Variants in MGAT4C observed in about 807,000 individuals in gnomAD.
The protein encoded by MGAT4C is MGAT4 family member C, also known as alpha-1,3-mannosyl-glycoprotein 4-beta-N-acetylglucosaminyltransferase C.
In MGAT4C, 19 loss-of-function variants were observed where a neutral mutation model predicts 40.1. The ratio of observed to expected loss-of-function variants is 0.47; its 90% CI spans 0.33 to 0.70. The LOEUF is 0.70. Among genes scored for constraint, MGAT4C ranks in the 30% least tolerant of loss-of-function variants. MGAT4C has a pLI of 0.02. For synonymous variants in MGAT4C, 181 were observed against 187.1 expected (o/e 0.97, Z 0.27); for missense variants, 491 against 563.2 (o/e 0.87, Z 1.30).
rs1883940284 is a variant in MGAT4C, at chr12:85,975,846, T to C, written c.*3443A>G. On this transcript the variant is annotated 3_prime_UTR_variant, in exon 5 of 5. Transcript: ENST00000611864. ...AAGTGTGAGCTCTATTACTCAGTAA[T>C]ATGATGCCATTACTGTGTTGATGGA... The C allele has an allele frequency of 6.6e-6, 1 of 151,016 alleles. No homozygotes were observed. The highest frequency in any genetic ancestry group is 6.6e-5 in the Admixed American group (1 of 15,120). The allele number at this position is 151,016 out of a possible 1,614,324, so 9.4% of individuals were successfully genotyped here.
At chr12:86,796,974 TC>T (rs1048710834) in intron 1 of MGAT4C, among the ~76,000 whole-genome samples, 6 of 151,954 alleles carry the variant, frequency 3.9e-5, no homozygotes, top group African/African-American at 1.4e-4. Flanking sequence ...GAAAAGGTTC[TC>T]TGCCTCCAGG....
At position 86,575,875 on chromosome 12, in the gene MGAT4C, G is replaced by C. The variant is rs928102937; in HGVS notation, c.-228-140610C>G. On this transcript the variant is annotated intron_variant, in intron 2 of 7. Coordinates refer to the MGAT4C transcript ENST00000548651. ...CAATCCTTGTCATTTGTTATTGACT[G>C]TTCAATTTTTATTTAATTGAGGAAC... Among the ~76,000 whole-genome samples the C allele has an allele frequency of 5.9e-5, 9 of 151,780 alleles. No homozygotes were observed. In the East Asian group the frequency reaches 1.7e-3, roughly 29 times the overall value.
At chr12:86,223,831 T>C (rs954314376) in intron 1 of MGAT4C, among the ~76,000 whole-genome samples, 1 of 152,174 alleles carries the variant, frequency 6.6e-6, no homozygotes, top group Non-Finnish European at 1.5e-5. Context: ...CTTGCACTGA[T>C]CTGCACACAA....
At chr12:86,404,928 T>G (rs1012197742) in intron 3 of MGAT4C, among the ~76,000 whole-genome samples, 1 of 152,108 alleles carries the variant, frequency 6.6e-6, no homozygotes, top group African/African-American at 2.4e-5. Flanking sequence ...ATAATTTATT[T>G]TATGTGATTT....
chr12:86,793,855 AT>A (rs1952068183), intron 1 of MGAT4C, among the ~76,000 whole-genome samples: 1 of 152,038 alleles, frequency 6.6e-6, no homozygotes, highest in South Asian at 2.1e-4. Flanking sequence ...ATTAAGCTGA[AT>A]TGAAAAACTG....
intron 3 of MGAT4C, among the ~76,000 whole-genome samples, chr12:86,361,516 CA>C (rs1243053848): frequency 4.6e-5 from 7 of 152,272 alleles, no homozygotes; most frequent in African/African-American, 1.7e-4. Flanking sequence ...AGCTTCTGCA[CA>C]GCAAAAGAAA....
intron 2 of MGAT4C, among the ~76,000 whole-genome samples, chr12:86,709,143 C>G (rs1593138635): frequency 6.6e-6 from 1 of 152,222 alleles, no homozygotes; most frequent in South Asian, 2.1e-4. Context: ...ACAGGTCTTT[C>G]CCATTCTGTT....
At chr12:86,629,422 C>A (rs145270502) in intron 2 of MGAT4C, among the ~76,000 whole-genome samples, 378 of 152,272 alleles carry the variant, frequency 2.5e-3, no homozygotes, top group Non-Finnish European at 4.0e-3. Flanking sequence ...ATCTACAGAA[C>A]TGTCCACCCC....
At chr12:86,706,261 G>A (rs1950455753) in intron 2 of MGAT4C, among the ~76,000 whole-genome samples, 1 of 151,988 alleles carries the variant, frequency 6.6e-6, no homozygotes, top group Non-Finnish European at 1.5e-5. Flanking sequence ...TGCAAGACAG[G>A]GAATTTGAGG....
intron 3 of MGAT4C, among the ~76,000 whole-genome samples, chr12:86,410,066 G>C (rs1218807070): frequency 1.3e-5 from 2 of 152,076 alleles, no homozygotes; most frequent in Non-Finnish European, 2.9e-5. Context: ...GGGCAATAAA[G>C]ATCACAAGGC....
At chr12:86,582,952 T>C (rs1960854568) in intron 2 of MGAT4C, among the ~76,000 whole-genome samples, 3 of 151,128 alleles carry the variant, frequency 2.0e-5, no homozygotes, top group African/African-American at 7.3e-5. Context: ...AAATAAAACA[T>C]CACTACTTTA....
At chr12:86,584,971 G>GA (rs1960949191) in intron 2 of MGAT4C, among the ~76,000 whole-genome samples, 1 of 151,308 alleles carries the variant, frequency 6.6e-6, no homozygotes, top group African/African-American at 2.4e-5. Context: ...ATAGCAGGTT[G>GA]AGCCATGTGT....
intron 3 of MGAT4C, among the ~76,000 whole-genome samples, chr12:86,432,699 AAG>A (rs990959399): frequency 3.3e-5 from 5 of 152,122 alleles, no homozygotes; most frequent in African/African-American, 1.2e-4. Flanking sequence ...CTATAAGAAA[AAG>A]AGAATGAATA....
chr12:86,203,045 T>TGC (rs1566138831), intron 1 of MGAT4C, among the ~76,000 whole-genome samples: 1 of 151,644 alleles, frequency 6.6e-6, no homozygotes, highest in East Asian at 1.9e-4. Context: ...TGTGTGTGTG[T>TGC]GTGTGTGTGT....
At position 85,979,602 on chromosome 12, in the gene MGAT4C, G is replaced by T; in HGVS notation, c.1124C>A (p.Thr375Lys). Residue 375 changes from threonine (T) to lysine (K), a missense_variant, in exon 5 of 5, where the codon ACA (threonine) becomes AAA (lysine). By Grantham distance (78) the Thr-to-Lys change is moderately conservative. Transcript: ENST00000611864. Reference sequence around the variant, plus strand: ...AAATACAATCACAAAAACATCTCCTGTTGAAGGTGGTTTCCCCCAAAAGTA... The same window carrying T: ...AAATACAATCACAAAAACATCTCCTTTTGAAGGTGGTTTCCCCCAAAAGTA... ...DEYFWGKPPS[T>K]GDVFVIVFEN... 1.2e-6 allele frequency: 2 copies of T among 1,609,938 alleles called. No individual in the cohort carries two copies. The highest frequency in any genetic ancestry group is 8.5e-7 in the Non-Finnish European group (1 of 1,178,778).
intron 1 of MGAT4C, among the ~76,000 whole-genome samples, chr12:86,095,426 T>C (rs1479052877): frequency 2.0e-5 from 3 of 152,050 alleles, no homozygotes; most frequent in Non-Finnish European, 4.4e-5. Context: ...TCTAATTGCT[T>C]TTTACAATTA....
At chr12:86,249,767 C>G (rs544227891) in intron 1 of MGAT4C, among the ~76,000 whole-genome samples, 15 of 152,154 alleles carry the variant, frequency 9.9e-5, no homozygotes, top group Admixed American at 3.3e-4. Context: ...TAATGAGGTC[C>G]CTCTATCTGA....
intron 1 of MGAT4C, among the ~76,000 whole-genome samples, chr12:86,772,480 C>T (rs1593192978): frequency 6.6e-6 from 1 of 152,216 alleles, no homozygotes; most frequent in South Asian, 2.1e-4. Flanking sequence ...GCATTTCTGC[C>T]ACTACAACAG....
intron 3 of MGAT4C, among the ~76,000 whole-genome samples, chr12:86,423,546 T>G (rs1956871712): frequency 1.3e-5 from 2 of 152,144 alleles, no homozygotes; most frequent in Non-Finnish European, 2.9e-5. Context: ...TATGCATGTA[T>G]AGCACATGTA....
Sources: allele counts gnomAD v4.1 joint callset (sites outside exome capture counted in the v4.1 genomes callset), GRCh38; gene constraint gnomAD v4.1.1; transcripts MANE v1.5; gene names NCBI Gene and HGNC (gene_info 2026-07-23, HGNC 2026-07-21).